The following MAGI1 variants were observed in gnomAD, a reference collection of about 807,000 sequenced individuals.
MAGI1 encodes the protein membrane-associated guanylate kinase, WW and PDZ domain-containing protein 1.
In MAGI1, 58 loss-of-function variants were observed where a neutral mutation model predicts 139.9. The ratio of observed to expected loss-of-function variants is 0.41; its 90% CI spans 0.34 to 0.52. The LOEUF (loss-of-function observed/expected upper bound fraction) is 0.52. Among genes scored for constraint, MAGI1 ranks in the 20% least tolerant of loss-of-function variants. The pLI is 0.12. For synonymous variants in MAGI1, 812 were observed against 737.9 expected, an observed-to-expected ratio of 1.10 and a Z score of -1.63; for missense variants, 1,874 against 1,901.6, an observed-to-expected ratio of 0.99 and a Z score of 0.27.
chr3:65,387,737 A>G (rs1943570604), intron 14 of MAGI1, among the ~76,000 whole-genome samples: 1 of 152,238 alleles, frequency 6.6e-6, no homozygotes, highest in South Asian at 2.1e-4. Flanking sequence ...CTATCCGAGA[A>G]CTGAACAAAC....
At chr3:65,705,209 T>A (rs574257701) in intron 1 of MAGI1, among the ~76,000 whole-genome samples, 1 of 152,308 alleles carries the variant, frequency 6.6e-6, no homozygotes, top group South Asian at 2.1e-4. Flanking sequence ...GATAATAAAG[T>A]GCTATTTTAA....
intron 1 of MAGI1, among the ~76,000 whole-genome samples, chr3:65,972,935 C>A (rs1303574974): frequency 6.6e-6 from 1 of 152,190 alleles, no homozygotes. Context: ...GTTCTCCCAA[C>A]CACTTCACTA....
chr3:65,713,244 C>T (rs998078916), intron 1 of MAGI1, among the ~76,000 whole-genome samples: 7 of 152,152 alleles, frequency 4.6e-5, no homozygotes, highest in African/African-American at 1.7e-4. Context: ...CCCTGCCATA[C>T]CAGCCTTAGC....
chr3:65,689,142 A>C (rs908588237), intron 1 of MAGI1, among the ~76,000 whole-genome samples: 2 of 152,250 alleles, frequency 1.3e-5, no homozygotes, highest in Admixed American at 1.3e-4. Context: ...CCCAGACATC[A>C]GTCTCTTCAA....
At chr3:65,865,439 T>C (rs1035741165) in intron 1 of MAGI1, among the ~76,000 whole-genome samples, 1 of 151,700 alleles carries the variant, frequency 6.6e-6, no homozygotes, top group Non-Finnish European at 1.5e-5. Context: ...CTACAAACAA[T>C]ACAAAAATTA....
At chr3:65,359,649 C>G (rs1940595063) in intron 22 of MAGI1, 1 of 989,738 alleles carries the variant, frequency 1.0e-6, no homozygotes, top group Admixed American at 5.8e-5. Context: ...ATTTGTGACT[C>G]TAATCAATGG....
chr3:65,693,019 C>T (rs980580781), intron 1 of MAGI1, among the ~76,000 whole-genome samples: 2 of 152,128 alleles, frequency 1.3e-5, no homozygotes, highest in African/African-American at 2.4e-5. Flanking sequence ...GCAGCCTTGA[C>T]TTCCTGGGCT....
intron 1 of MAGI1, among the ~76,000 whole-genome samples, chr3:65,627,727 C>T (rs1025867418): frequency 1.3e-5 from 2 of 151,562 alleles, no homozygotes; most frequent in Admixed American, 6.6e-5. Context: ...AGGTTGGTCT[C>T]GATCTCCTGA....
chr3:65,495,142 T>C (rs1952332510), intron 2 of MAGI1, among the ~76,000 whole-genome samples: 1 of 152,220 alleles, frequency 6.6e-6, no homozygotes, highest in Admixed American at 6.5e-5. Flanking sequence ...TATCATATAC[T>C]GTTAAAGAAC....
intron 2 of MAGI1, among the ~76,000 whole-genome samples, chr3:65,610,742 G>GTATATACTATATACTATATATA (rs11276480): frequency 0.27 from 32,688 of 121,076 alleles, 5,935 homozygotes; most frequent in Middle Eastern, 0.4. Flanking sequence ...ATAGTATATA[G>GTATATACTATATACTATATATA]TATATATACA....
chr3:65,802,400 T>A lies in MAGI1; in HGVS notation c.314-180312A>T, dbSNP rs545509151. On this transcript the variant is annotated intron_variant, in intron 1 of 22. Coordinates refer to ENST00000402939, the MANE Select transcript of MAGI1 (RefSeq NM_001033057.2). ...TCTCCATTCCTCCTTGGGGTTGTAA[T>A]TTTTCACCATGTGAACGCATTCATG... Among the ~76,000 whole-genome samples the A allele has an allele frequency of 3.3e-4, 50 of 152,262 alleles. 1 individual carries two copies. The South Asian group carries it at 3.9e-3, about 12-fold the overall frequency.
chr3:65,772,248 C>T (rs2038017854), intron 1 of MAGI1, among the ~76,000 whole-genome samples: 1 of 152,104 alleles, frequency 6.6e-6, no homozygotes, highest in Admixed American at 6.6e-5. Context: ...AGGCCCAATC[C>T]CTTCCTTGTA....
chr3:65,371,819 ACTC>A (rs1200193673), intron 18 of MAGI1: 3 of 310,252 alleles, frequency 9.7e-6, no homozygotes, highest in African/African-American at 2.2e-5. Context: ...ATAAGAAGCA[ACTC>A]CTCATCTGTT....
chr3:65,774,164 C>A (rs2038186324), intron 1 of MAGI1, among the ~76,000 whole-genome samples: 2 of 151,140 alleles, frequency 1.3e-5, no homozygotes, highest in Admixed American at 1.3e-4. Context: ...TTGGGTGAAA[C>A]TTTTCCTGGT....
At chr3:65,842,653 G>A (rs762740325) in intron 1 of MAGI1, among the ~76,000 whole-genome samples, 9 of 152,212 alleles carry the variant, frequency 5.9e-5, no homozygotes, top group East Asian at 1.9e-4. Flanking sequence ...GAGCCACTGC[G>A]CCCAGCCATA....
intron 2 of MAGI1, among the ~76,000 whole-genome samples, chr3:65,548,682 C>T (rs899668596): frequency 6.6e-6 from 1 of 151,892 alleles, no homozygotes; most frequent in African/African-American, 2.4e-5. Context: ...GCCACCACGC[C>T]GGGCTAATTT....
intron 4 of MAGI1, 44 bp from the exon 5 acceptor site, chr3:65,470,528 A>AG: frequency 7.4e-7 from 1 of 1,357,528 alleles, no homozygotes; most frequent in Non-Finnish European, 1.0e-6. Context: ...AGAGAGAAAA[A>AG]AAAAAAATGG....
intron 1 of MAGI1, among the ~76,000 whole-genome samples, chr3:65,838,669 A>C (rs938375039): frequency 6.6e-6 from 1 of 152,186 alleles, no homozygotes; most frequent in Non-Finnish European, 1.5e-5. Context: ...GAACATTATA[A>C]ACAAAGCTGC....
intron 1 of MAGI1, among the ~76,000 whole-genome samples, chr3:65,752,854 A>C (rs2036262519): frequency 6.6e-6 from 1 of 152,152 alleles, no homozygotes. Flanking sequence ...AGTGCAGCCA[A>C]AATCTTTCTA....
Sources: gnomAD v4.1 joint callset for allele counts (sites outside exome capture counted in the v4.1 genomes callset) on GRCh38, gnomAD v4.1.1 for gene constraint, MANE v1.5 for transcripts, NCBI Gene and HGNC (gene_info 2026-07-23, HGNC 2026-07-21) for gene names.